Variants in SPON1 observed in about 807,000 individuals in gnomAD.
SPON1 encodes the protein spondin-1.
SPON1 carries 52 observed loss-of-function variants against 111.7 expected under a neutral mutation model. That is an observed-to-expected ratio of 0.47 (90% CI 0.37 to 0.59). The LOEUF (loss-of-function observed/expected upper bound fraction) is 0.59. Ranked by LOEUF, SPON1 falls within the 20% of genes least tolerant of loss-of-function variation. The probability of loss-of-function intolerance (pLI) is 0.00; values close to 1 mark genes in which losing one functional copy is unlikely to be tolerated. For synonymous variants in SPON1, 410 were observed against 395.8 expected (o/e 1.04, Z -0.43); for missense variants, 957 against 1,068.5 (o/e 0.90, Z 1.46).
chr11:13,965,677 A>C (rs1429857675), intron 1 of SPON1, among the ~76,000 whole-genome samples: 2 of 152,294 alleles, frequency 1.3e-5, no homozygotes, highest in African/African-American at 4.8e-5. Context: ...AACCATGCTG[A>C]GGTTTTCCAA....
Position 14,172,012 on chromosome 11 carries a change from T to C in SPON1, c.825+36444T>C, listed in dbSNP as rs1848107893. 2.0e-5 allele frequency among the ~76,000 whole-genome samples: 3 copies of C among 152,352 alleles called. No homozygotes were observed. In the South Asian group the frequency reaches 6.2e-4, roughly 32 times the overall value. ...TTCTGTAGATGTCTATTAGGTCCAC[T>C]TGGTGCAGAGCTGAGTTCAATTCCT... On this transcript the variant is annotated intron_variant, in intron 6 of 15. Coordinates refer to ENST00000576479, the MANE Select transcript of SPON1 (RefSeq NM_006108.4).
chr11:14,050,399 A>C (rs1175848248), intron 3 of SPON1, among the ~76,000 whole-genome samples: 1 of 152,168 alleles, frequency 6.6e-6, no homozygotes, highest in East Asian at 1.9e-4. Flanking sequence ...CAGTTACGTT[A>C]ATTCATTTGT....
In SPON1 at chr11:14,255,721, C is replaced by T. The variant is rs1849099419; in HGVS notation, c.1167C>T (p.Phe389=). Residue 389 remains phenylalanine, a synonymous_variant, in exon 9 of 16, where the codon TTC becomes TTT. Transcript: ENST00000576479. ...GCCTGGACCATCCTCAGAGTCCTTT[C>T]TATGACCCAGAGGGTGGGTCCATCA... ...LTSLDHPQSP[F]YDPEGGSITQ... is the part of the protein sequence containing the mutation. 2 of 1,613,746 alleles carry T rather than the reference C, an allele frequency of 1.2e-6. No individual in the cohort carries two copies. The highest frequency in any genetic ancestry group is 2.7e-5 in the African/African-American group (2 of 74,892).
intron 5 of SPON1, among the ~76,000 whole-genome samples, chr11:14,108,213 C>T (rs561113154): frequency 5.9e-5 from 9 of 152,198 alleles, no homozygotes; most frequent in South Asian, 2.1e-4. Flanking sequence ...ACAAAGTGTT[C>T]GTCATTATTA....
chr11:14,221,532 T>A (rs1554937586), intron 6 of SPON1, among the ~76,000 whole-genome samples: 1 of 152,242 alleles, frequency 6.6e-6, no homozygotes, highest in East Asian at 1.9e-4. Flanking sequence ...ATGAATGGGA[T>A]ACACAGTCAT....
chr11:13,983,728 G>T (rs1554909992), intron 2 of SPON1, among the ~76,000 whole-genome samples: 2 of 152,210 alleles, frequency 1.3e-5, no homozygotes, highest in Non-Finnish European at 2.9e-5. Context: ...CCTAGGAGGA[G>T]GCCTGGCCAA....
chr11:14,160,965 ATATATATTTT>A (rs1847938557), intron 6 of SPON1, among the ~76,000 whole-genome samples: 1 of 55,518 alleles, frequency 1.8e-5, no homozygotes, highest in African/African-American at 7.1e-5. Context: ...ATATATATTT[ATATATATTTT>A]TATATATTTA....
rs782707461 is a variant in SPON1, at chr11:14,135,438, C to G, written c.695C>G (p.Ser232Cys). 6.2e-7 allele frequency: 1 copy of G among 1,612,918 alleles called. No homozygotes were observed. Among genetic ancestry groups the G allele is most frequent in the Non-Finnish European group, 8.5e-7 (1 of 1,179,060 alleles). ...TTCCCAGGTCGGGCCAACCACTGGTCTGCGATCATCGGAGGATCCCACTCC... is the reference window on the plus strand; with the variant it reads ...TTCCCAGGTCGGGCCAACCACTGGTGTGCGATCATCGGAGGATCCCACTCC... ...KDYPRRANHWSAIIGGSHSKN... is the reference protein window; with the variant it reads ...KDYPRRANHWCAIIGGSHSKN... The change falls in exon 6 of 16, where the codon TCT (serine) becomes TGT (cysteine). Residue 232 changes from serine to cysteine, a missense_variant. Physicochemically the swap from Ser to Cys is moderately radical, Grantham distance 112. Transcript: ENST00000576479. This position sits in a 1 kb window ranked among gnomAD's most constrained non-coding sequence, Gnocchi z 4.4.
intron 6 of SPON1, among the ~76,000 whole-genome samples, chr11:14,236,634 C>T (rs571023178): frequency 6.6e-6 from 1 of 152,230 alleles, no homozygotes; most frequent in African/African-American, 2.4e-5. Context: ...AAGAGAAGAC[C>T]AAAGGCTTGA....
At chr11:14,229,791 C>T (rs1554938461) in intron 6 of SPON1, among the ~76,000 whole-genome samples, 3 of 152,158 alleles carry the variant, frequency 2.0e-5, no homozygotes, top group African/African-American at 4.8e-5. Context: ...GCTGAACCCT[C>T]GGTCTGCCTA....
intron 2 of SPON1, among the ~76,000 whole-genome samples, chr11:13,989,909 G>A (rs1440497276): frequency 6.6e-6 from 1 of 152,192 alleles, no homozygotes; most frequent in Non-Finnish European, 1.5e-5. Flanking sequence ...TGGTCTGAGA[G>A]ACAGTTTGCT....
intron 3 of SPON1, among the ~76,000 whole-genome samples, chr11:14,066,548 G>T (rs536507044): frequency 6.6e-6 from 1 of 152,308 alleles, no homozygotes; most frequent in South Asian, 2.1e-4. Flanking sequence ...TTTTCCAACA[G>T]CTGACAAATT....
intron 5 of SPON1, among the ~76,000 whole-genome samples, chr11:14,091,512 G>A (rs1849057366): frequency 6.6e-6 from 1 of 152,196 alleles, no homozygotes. Context: ...ATTGAGCGCA[G>A]CACCGGTGGG....
At chr11:14,220,086 CAAAA>C (rs149757475) in intron 6 of SPON1, among the ~76,000 whole-genome samples, 42 of 118,176 alleles carry the variant, frequency 3.6e-4, no homozygotes, top group Middle Eastern at 4.3e-3. Flanking sequence ...GCACTTGGAT[CAAAA>C]AAAAAAAAAA....
At chr11:14,086,011 T>C (rs1301510404) in intron 5 of SPON1, among the ~76,000 whole-genome samples, 4 of 152,200 alleles carry the variant, frequency 2.6e-5, no homozygotes, top group African/African-American at 9.7e-5. Context: ...ATCCTGAGAC[T>C]TTGCTGAAGT....
chr11:14,059,551 G>C (rs1848774499), intron 3 of SPON1, among the ~76,000 whole-genome samples: 1 of 152,050 alleles, frequency 6.6e-6, no homozygotes, highest in Admixed American at 6.5e-5. Context: ...GGGGAGGAAA[G>C]GAGAAAAAAC....
intron 6 of SPON1, among the ~76,000 whole-genome samples, chr11:14,168,890 C>T (rs1848064933): frequency 6.6e-6 from 1 of 152,170 alleles, no homozygotes; most frequent in Admixed American, 6.5e-5. Flanking sequence ...TTTTCTTAAT[C>T]CAGTCTATCA....
intron 5 of SPON1, among the ~76,000 whole-genome samples, chr11:14,109,677 A>G (rs1157706490): frequency 6.6e-6 from 1 of 152,226 alleles, no homozygotes; most frequent in African/African-American, 2.4e-5. Flanking sequence ...TTGTTTAATT[A>G]AATTAACTGG....
At chr11:14,044,051 C>A (rs4534565) in intron 3 of SPON1, among the ~76,000 whole-genome samples, 1 of 151,942 alleles carries the variant, frequency 6.6e-6, no homozygotes, top group Non-Finnish European at 1.5e-5. Flanking sequence ...TCACAGAAAA[C>A]GACTCCCATT....
Sources: allele counts gnomAD v4.1 joint callset (sites outside exome capture counted in the v4.1 genomes callset), GRCh38; gene constraint gnomAD v4.1.1; non-coding constraint Gnocchi (gnomAD v3.1); transcripts MANE v1.5; gene names NCBI Gene and HGNC (gene_info 2026-07-23, HGNC 2026-07-21).